AGPAT3: variants seen among roughly 807,000 people sequenced by gnomAD.
The protein encoded by AGPAT3 is 1-acyl-sn-glycerol-3-phosphate acyltransferase gamma.
A neutral mutation model predicts 47.3 loss-of-function variants in AGPAT3; 5 were observed. The ratio of observed to expected loss-of-function variants is 0.11; its 90% CI spans 0.06 to 0.22. The LOEUF is 0.22. Ranked by LOEUF, AGPAT3 falls within the 10% of genes least tolerant of loss-of-function variation. The pLI is 1.00. For missense variants in AGPAT3, 315 were observed against 493.0 expected (o/e 0.64, Z 3.42); for synonymous variants, 212 against 208.3 (o/e 1.02, Z -0.15).
At chr21:43,882,379 T>C (rs892370027) in intron 1 of AGPAT3, among the ~76,000 whole-genome samples, 4 of 152,268 alleles carry the variant, frequency 2.6e-5, no homozygotes, top group African/African-American at 9.6e-5. Context: ...CTGGAAACTC[T>C]TGCACGCGTT....
At chr21:43,973,189 G>A (rs1453646005) in intron 7 of AGPAT3, among the ~76,000 whole-genome samples, 1 of 152,246 alleles carries the variant, frequency 6.6e-6, no homozygotes, top group Admixed American at 6.5e-5. Flanking sequence ...CCCGACCCGG[G>A]GTCAGTGGGG....
chr21:43,876,603 T>C (rs1032767384), intron 1 of AGPAT3, among the ~76,000 whole-genome samples: 2 of 152,110 alleles, frequency 1.3e-5, no homozygotes, highest in Non-Finnish European at 2.9e-5. Flanking sequence ...ATTGAAGAAA[T>C]TGCTGATGGT....
At chr21:43,881,970 T>G (rs1286629377) in intron 1 of AGPAT3, among the ~76,000 whole-genome samples, 1 of 152,260 alleles carries the variant, frequency 6.6e-6, no homozygotes, top group East Asian at 1.9e-4. Flanking sequence ...TAAAAACATT[T>G]TTTTGCCAAT....
intron 1 of AGPAT3, among the ~76,000 whole-genome samples, chr21:43,901,320 TAAAAAAA>T (rs34649071): frequency 2.3e-5 from 3 of 129,042 alleles, no homozygotes; most frequent in South Asian, 2.6e-4. Flanking sequence ...GAAACTCTGT[TAAAAAAA>T]AAAAAAAAAA....
At chr21:43,866,955 AG>A (rs1374413547) in intron 1 of AGPAT3, among the ~76,000 whole-genome samples, 1 of 152,204 alleles carries the variant, frequency 6.6e-6, no homozygotes, top group East Asian at 1.9e-4. Context: ...GCCTTCCTGG[AG>A]GGAGGGTGCT....
chr21:43,959,082 T>TGTGTGTGTGGCGTGTGTGTGGTTTGC (rs1555909854), intron 2 of AGPAT3, among the ~76,000 whole-genome samples: 1 of 121,986 alleles, frequency 8.2e-6, no homozygotes, highest in African/African-American at 3.5e-5. Context: ...GTGTGGTTTG[T>TGTGTGTGTGGCGTGTGTGTGGTTTGC]GGTGTGTGTG....
At chr21:43,905,872 G>T (rs2086481265) in intron 2 of AGPAT3, among the ~76,000 whole-genome samples, 1 of 152,248 alleles carries the variant, frequency 6.6e-6, no homozygotes, top group Admixed American at 6.5e-5. Context: ...AAGGCCACCA[G>T]CAAGGGCTGG....
Position 43,955,680 on chromosome 21 carries a change from C to T in AGPAT3, c.-48-3954C>T, listed in dbSNP as rs1430485986. Among the ~76,000 whole-genome samples the T allele has an allele frequency of 1.3e-5, 2 of 151,908 alleles. No individual in the cohort carries two copies. Among genetic ancestry groups the T allele is most frequent in the African/African-American group, 2.4e-5 (1 of 41,402 alleles). On this transcript the variant is annotated intron_variant, in intron 2 of 9. Coordinates refer to ENST00000291572, the MANE Select transcript of AGPAT3 (RefSeq NM_020132.5). The surrounding 1 kb of genome is among the most constrained non-coding windows in gnomAD (Gnocchi z 4.1). Reference sequence around the variant, plus strand: ...CAGCGCTTTGGGAGGTCGAGTTGGGCGGATTACCTGAGGTCAGGAGATCGA... The same window carrying T: ...CAGCGCTTTGGGAGGTCGAGTTGGGTGGATTACCTGAGGTCAGGAGATCGA...
intron 7 of AGPAT3, among the ~76,000 whole-genome samples, chr21:43,977,343 C>G (rs1409426389): frequency 6.6e-6 from 1 of 152,190 alleles, no homozygotes; most frequent in Non-Finnish European, 1.5e-5. Context: ...TCATGACTGT[C>G]TCTGAAGAAT....
chr21:43,971,238 T>A, intron 6 of AGPAT3, 150 bp from the exon 7 acceptor site: 1 of 669,256 alleles, frequency 1.5e-6, no homozygotes. Context: ...AGAGAAGAGG[T>A]CCTGGTGTGT....
intron 2 of AGPAT3, among the ~76,000 whole-genome samples, chr21:43,949,082 C>A (rs901263531): frequency 6.6e-6 from 1 of 152,116 alleles, no homozygotes; most frequent in Non-Finnish European, 1.5e-5. Context: ...ATTTTCCTGG[C>A]TTTTCTTCCC....
At chr21:43,906,967 G>C (rs976279519) in intron 2 of AGPAT3, among the ~76,000 whole-genome samples, 1 of 152,158 alleles carries the variant, frequency 6.6e-6, no homozygotes, top group African/African-American at 2.4e-5. Context: ...TAGCTGCCCT[G>C]GCAGGAGGCA....
rs1047257148 is a variant in AGPAT3, at chr21:43,908,560, C to T, written c.-49+4541C>T. Reference sequence around the variant, plus strand: ...CTCTTGCATAGACAGAAGGTGAGGGCATGGGGTAGGGGGAGTGGAGCCGTG... The same window carrying T: ...CTCTTGCATAGACAGAAGGTGAGGGTATGGGGTAGGGGGAGTGGAGCCGTG... On this transcript the variant is annotated intron_variant, in intron 2 of 9. Coordinates refer to ENST00000291572, the MANE Select transcript of AGPAT3 (RefSeq NM_020132.5). The surrounding 1 kb of genome is among the most constrained non-coding windows in gnomAD (Gnocchi z 4.9). 6.6e-6 allele frequency among the ~76,000 whole-genome samples: 1 copy of T among 152,094 alleles called. No homozygotes were observed. Among genetic ancestry groups the T allele is most frequent in the African/African-American group, 2.4e-5 (1 of 41,420 alleles).
chr21:43,960,817 CTG>C lies in AGPAT3; in HGVS notation c.178+967_178+968del, dbSNP rs991035741. The C allele has an allele frequency of 1.0e-5, 10 of 966,880 alleles. No homozygotes were observed. The African/African-American group carries it at 1.8e-4, about 17-fold the overall frequency. 59.9% of individuals were successfully genotyped at this position (966,880 alleles called of 1,614,324 possible). On this transcript the variant is annotated intron_variant, in intron 3 of 9. Coordinates refer to ENST00000291572, the MANE Select transcript of AGPAT3 (RefSeq NM_020132.5). ...TCATTTTGTGTCTTAAGAAAGGATG[CTG>C]TGTGTGTGGTGTGTACATGTGTGGA...
chr21:43,911,769 G>A (rs891501583), intron 2 of AGPAT3, among the ~76,000 whole-genome samples: 4 of 152,238 alleles, frequency 2.6e-5, no homozygotes, highest in Admixed American at 2.0e-4. Flanking sequence ...CGGGTCATCT[G>A]TGTTCATTAG....
chr21:43,889,912 A>G (rs1381985720), intron 1 of AGPAT3, among the ~76,000 whole-genome samples: 1 of 152,194 alleles, frequency 6.6e-6, no homozygotes, highest in Non-Finnish European at 1.5e-5. Context: ...TGGGGTGGCC[A>G]TTGCAATTTC....
intron 1 of AGPAT3, among the ~76,000 whole-genome samples, chr21:43,899,159 C>T (rs1192667225): frequency 6.9e-5 from 4 of 57,860 alleles, no homozygotes; most frequent in African/African-American, 2.8e-4. Context: ...GTGCTGGTGG[C>T]GAACCCGCCC....
chr21:43,938,035 C>T (rs111901191), intron 2 of AGPAT3, among the ~76,000 whole-genome samples: 3 of 152,060 alleles, frequency 2.0e-5, no homozygotes, highest in East Asian at 1.9e-4. Flanking sequence ...GCAGCTCACA[C>T]GCTTGCTGTT....
chr21:43,980,275 C>CAAAAAAA (rs1223637093), intron 8 of AGPAT3, among the ~76,000 whole-genome samples: 2 of 54,628 alleles, frequency 3.7e-5, no homozygotes, highest in Non-Finnish European at 3.7e-5. Flanking sequence ...GACTCCATCT[C>CAAAAAAA]AAAAAAAAAA....
Sources: allele counts gnomAD v4.1 joint callset (sites outside exome capture counted in the v4.1 genomes callset), GRCh38; gene constraint gnomAD v4.1.1; non-coding constraint Gnocchi (gnomAD v3.1); transcripts MANE v1.5; gene names NCBI Gene and HGNC (gene_info 2026-07-23, HGNC 2026-07-21).